Variants in SDHA observed in about 807,000 individuals in gnomAD.
SDHA encodes the protein succinate dehydrogenase complex flavoprotein subunit A, also known as succinate dehydrogenase [ubiquinone] flavoprotein subunit, mitochondrial.
SDHA carries 48 observed loss-of-function variants against 78.4 expected under a neutral mutation model. The ratio of observed to expected loss-of-function variants is 0.61; its 90% CI spans 0.49 to 0.78. The LOEUF (loss-of-function observed/expected upper bound fraction) is 0.78, where lower values mean the gene tolerates loss of function less well. Ranked by LOEUF, SDHA falls within the 30% of genes least tolerant of loss-of-function variation. The pLI, the probability that SDHA is intolerant of heterozygous loss-of-function variation, is 0.00. For missense variants in SDHA, 680 were observed against 892.7 expected (o/e 0.76, Z 3.04); for synonymous variants, 326 against 353.9 (o/e 0.92, Z 0.88).
chr5:232,775 G>T (rs1434245895), intron 7 of SDHA, among the ~76,000 whole-genome samples: 1 of 152,168 alleles, frequency 6.6e-6, no homozygotes, highest in Non-Finnish European at 1.5e-5. Flanking sequence ...TAGGGTTTTT[G>T]ATCTCCTTTG....
chr5:253,287 A>G (rs1484987562), intron 13 of SDHA, among the ~76,000 whole-genome samples: 1 of 152,202 alleles, frequency 6.6e-6, no homozygotes, highest in Admixed American at 6.5e-5. Flanking sequence ...TTTATTCACC[A>G]TGAAATTTTA....
the SDHA span, among the ~76,000 whole-genome samples, chr5:264,695 A>G: frequency 6.6e-6 from 1 of 152,232 alleles, no homozygotes; most frequent in African/African-American, 2.4e-5. Context: ...GGCTGGTGAC[A>G]GTCACACAGC....
At chr5:234,972 T>C (rs1421456416) in intron 8 of SDHA, 172 bp from the exon 9 acceptor site, 1 of 708,716 alleles carries the variant, frequency 1.4e-6, no homozygotes, top group Non-Finnish European at 2.6e-6. Flanking sequence ...GGATTGTCCC[T>C]GGCACACAGT....
At chr5:258,662 G>A (rs1449598540), downstream of SDHA, among the ~76,000 whole-genome samples, 42 of 119,014 alleles carry the variant, frequency 3.5e-4, no homozygotes, top group Non-Finnish European at 5.5e-4. Context: ...TACCGTGTGA[G>A]CTCCGCCTCC....
chr5:266,740 C>T, the SDHA span, among the ~76,000 whole-genome samples: 4 of 114,728 alleles, frequency 3.5e-5, no homozygotes, highest in Non-Finnish European at 6.9e-5. Context: ...AGACCTGCAC[C>T]GTCCCGTGCA....
chr5:259,437 C>T (rs1297612478), downstream of SDHA, among the ~76,000 whole-genome samples: 5 of 48,766 alleles, frequency 1.0e-4, 1 homozygote, highest in Admixed American at 5.7e-4. Flanking sequence ...CTCCGCCTCC[C>T]GACAGAGCAT....
At chr5:247,098 G>C (rs1291600421) in intron 11 of SDHA, among the ~76,000 whole-genome samples, 1 of 151,934 alleles carries the variant, frequency 6.6e-6, no homozygotes, top group Non-Finnish European at 1.5e-5. Flanking sequence ...TAATGGTAAA[G>C]CTTCTTACTC....
chr5:257,429 A>G (rs114938812), downstream of SDHA, among the ~76,000 whole-genome samples: 22,737 of 124,276 alleles, frequency 0.18, 5,316 homozygotes, highest in African/African-American at 0.52. Context: ...ACCACCTGTC[A>G]GAGCATTACC....
intron 13 of SDHA, among the ~76,000 whole-genome samples, chr5:252,085 A>G (rs10070389): frequency 0.16 from 19,230 of 123,498 alleles, 3,568 homozygotes; most frequent in African/African-American, 0.44. Context: ...CGAGTAAGCC[A>G]CTGTTTCAAA....
intron 10 of SDHA, among the ~76,000 whole-genome samples, chr5:238,204 TAGGGAAGAC>T (rs1239997294): frequency 1.3e-5 from 2 of 152,054 alleles, no homozygotes; most frequent in African/African-American, 4.8e-5. Flanking sequence ...AAGGCACATC[TAGGGAAGAC>T]AAGGGATTGG....
chr5:238,044 T>C (rs1287339561), intron 10 of SDHA, among the ~76,000 whole-genome samples: 3 of 140,926 alleles, frequency 2.1e-5, no homozygotes, highest in Non-Finnish European at 4.5e-5. Context: ...CTGCTCTTTC[T>C]TTGAAAATGC....
intron 11 of SDHA, among the ~76,000 whole-genome samples, chr5:248,270 G>A (rs370424985): frequency 1.2e-4 from 19 of 152,332 alleles, no homozygotes; most frequent in African/African-American, 4.6e-4. Context: ...GCCATGTCAA[G>A]ACTGATGCTG....
chr5:257,540 G>C (rs1260420207), downstream of SDHA, among the ~76,000 whole-genome samples: 3 of 138,260 alleles, frequency 2.2e-5, no homozygotes, highest in Non-Finnish European at 3.1e-5. Flanking sequence ...TACTGTGTGA[G>C]CTCCGCGCCC....
intron 11 of SDHA, among the ~76,000 whole-genome samples, chr5:247,792 CAG>C (rs1175719541): frequency 1.3e-5 from 2 of 152,210 alleles, no homozygotes; most frequent in African/African-American, 2.4e-5. Flanking sequence ...TCTATTAAAA[CAG>C]ATAACGCCCC....
At chr5:252,042 G>GC (rs1438620886) in intron 13 of SDHA, among the ~76,000 whole-genome samples, 1 of 148,720 alleles carries the variant, frequency 6.7e-6, no homozygotes, top group Non-Finnish European at 1.5e-5. Flanking sequence ...TTTCAGACCT[G>GC]CCCTGTGGTG....
chr5:246,261 G>A (rs1291465048), intron 11 of SDHA, among the ~76,000 whole-genome samples: 10 of 152,068 alleles, frequency 6.6e-5, no homozygotes, highest in Non-Finnish European at 4.4e-5. Context: ...CGAAAAGCAA[G>A]GCCATAAAGC....
intron 11 of SDHA, chr5:248,928 C>G (rs1282146858): frequency 2.5e-6 from 1 of 406,856 alleles, no homozygotes; most frequent in African/African-American, 2.3e-5. Flanking sequence ...TGGTATGGCC[C>G]TTTGTAGGAG....
At chr5:241,464 T>G (rs1352324397) in intron 11 of SDHA, among the ~76,000 whole-genome samples, 3 of 152,196 alleles carry the variant, frequency 2.0e-5, no homozygotes, top group Non-Finnish European at 2.9e-5. Context: ...AGGTGGAAAC[T>G]GATCTGTGGC....
chr5:241,572 TG>T (rs1736141832), intron 11 of SDHA, among the ~76,000 whole-genome samples: 1 of 152,208 alleles, frequency 6.6e-6, no homozygotes, highest in South Asian at 2.1e-4. Context: ...CATGGGGCCG[TG>T]GAGAACCTGA....
Sources: allele counts gnomAD v4.1 joint callset (sites outside exome capture counted in the v4.1 genomes callset), GRCh38; gene constraint gnomAD v4.1.1; transcripts MANE v1.5; gene names NCBI Gene and HGNC (gene_info 2026-07-23, HGNC 2026-07-21).